The following AHDC1 variants were observed in gnomAD, a reference collection of about 807,000 sequenced individuals.
AHDC1 encodes AT-hook DNA binding motif containing 1.
In AHDC1, 7 loss-of-function variants were observed where a neutral mutation model predicts 87.9. The ratio of observed to expected loss-of-function variants is 0.08; its 90% CI spans 0.05 to 0.15. AHDC1 has a LOEUF of 0.15. AHDC1 is among the 10% of genes least tolerant of loss of function. AHDC1 has a pLI of 1.00. For missense variants in AHDC1, 1,841 were observed against 2,253.2 expected (o/e 0.82, Z 3.70); for synonymous variants, 1,051 against 1,006.8 (o/e 1.04, Z -0.83).
At chr1:27,568,611 C>A (rs1344488881) in intron 3 of AHDC1, among the ~76,000 whole-genome samples, 1 of 151,976 alleles carries the variant, frequency 6.6e-6, no homozygotes, top group Non-Finnish European at 1.5e-5. Context: ...GCGGGCCGGG[C>A]TCCCGGAGAT....
chr1:27,589,299 G>A (rs184942586), intron 3 of AHDC1, among the ~76,000 whole-genome samples: 13 of 152,300 alleles, frequency 8.5e-5, no homozygotes, highest in South Asian at 4.1e-4. Context: ...GTCTGTGTCC[G>A]GGTGTGCACG....
At chr1:27,575,469 C>G (rs1173451424) in intron 3 of AHDC1, among the ~76,000 whole-genome samples, 2 of 152,236 alleles carry the variant, frequency 1.3e-5, no homozygotes, top group South Asian at 2.1e-4. Flanking sequence ...AGGTCTCCCC[C>G]CACCACCCTC....
intron 3 of AHDC1, among the ~76,000 whole-genome samples, chr1:27,596,474 T>C (rs2089374099): frequency 6.6e-6 from 1 of 151,978 alleles, no homozygotes; most frequent in Admixed American, 6.6e-5. Context: ...TCCTTGTGCA[T>C]CTGTGTGGGT....
In AHDC1 at chr1:27,560,238, CTGTT is replaced by C. The variant is rs2020012291; in HGVS notation, c.-628-1359_-628-1356del. Among the ~76,000 whole-genome samples the C allele has an allele frequency of 6.6e-6, 1 of 150,874 alleles. No homozygotes were observed. The highest frequency in any genetic ancestry group is 2.4e-5 in the African/African-American group (1 of 40,972). ...TGTGTGTGTGTGAGTCTAGCTAAGCCTGTTTGTGTGTGAGGACACAGGGGTGCAT... is the reference window on the plus strand; with the variant it reads ...TGTGTGTGTGTGAGTCTAGCTAAGCCTGTGTGTGAGGACACAGGGGTGCAT... On this transcript the variant is annotated intron_variant, in intron 3 of 8. Coordinates refer to ENST00000673934, the MANE Select transcript of AHDC1 (RefSeq NM_001371928.1). This position sits in a 1 kb window ranked among gnomAD's most constrained non-coding sequence, Gnocchi z 4.1.
chr1:27,561,503 G>A lies in AHDC1; in HGVS notation c.-628-2620C>T, dbSNP rs1254390469. 6.6e-6 allele frequency among the ~76,000 whole-genome samples: 1 copy of A among 152,202 alleles called. No homozygotes were observed. The highest frequency in any genetic ancestry group is 1.5e-5 in the Non-Finnish European group (1 of 68,036). On this transcript the variant is annotated intron_variant, in intron 3 of 8. Coordinates refer to ENST00000673934, the MANE Select transcript of AHDC1 (RefSeq NM_001371928.1). This position sits in a 1 kb window ranked among gnomAD's most constrained non-coding sequence, Gnocchi z 4.2. Reference sequence around the variant, plus strand: ...GGAGGCAGAGGACAGTGTGGTGGGGGGAACACAGCAAGGAGGGGTGCAGGG... The same window carrying A: ...GGAGGCAGAGGACAGTGTGGTGGGGAGAACACAGCAAGGAGGGGTGCAGGG...
rs778267321 is a variant in AHDC1 at position 27,548,387 on chromosome 1, C to T, written c.3729G>A (p.Glu1243=). Reference sequence around the variant, plus strand: ...ATGTCGGGAAGCCCAGATGTGAGGCCTCGAACAGGTCCACCTTCTTCCGCC... The same window carrying T: ...ATGTCGGGAAGCCCAGATGTGAGGCTTCGAACAGGTCCACCTTCTTCCGCC... ...RGRRKKVDLF[E]ASHLGFPTSA... is the part of the protein sequence containing the mutation. The change falls in exon 8 of 9, where the codon GAG becomes GAA. Residue 1243 remains glutamate (E), a synonymous_variant. Transcript: ENST00000673934. The T allele has an allele frequency of 6.2e-7, 1 of 1,608,114 alleles. No individual in the cohort carries two copies. Among genetic ancestry groups the T allele is most frequent in the South Asian group, 1.1e-5 (1 of 90,940 alleles).
intron 8 of AHDC1, among the ~76,000 whole-genome samples, chr1:27,543,918 C>G (rs1002067335): frequency 1.3e-5 from 2 of 151,272 alleles, no homozygotes; most frequent in Non-Finnish European, 2.9e-5. Context: ...ACTCCAGCCT[C>G]GGCGACACAG....
At position 27,565,675 on chromosome 1, in the gene AHDC1, T is replaced by TA. The variant is rs2020288164; in HGVS notation, c.-628-6793dup. On this transcript the variant is annotated intron_variant, in intron 3 of 8. Transcript: ENST00000673934. This position sits in a 1 kb window ranked among gnomAD's most constrained non-coding sequence, Gnocchi z 4.6. Reference sequence around the variant, plus strand: ...AAAGAAGTCAGACATGAAGCAAGGATAGTATCCCTATACCATCTGGGGAAA... The same window carrying TA: ...AAAGAAGTCAGACATGAAGCAAGGATAAGTATCCCTATACCATCTGGGGAAA... Among the ~76,000 whole-genome samples, 1 of 152,204 alleles carries TA rather than the reference T, an allele frequency of 6.6e-6. No individual in the cohort carries two copies. Among genetic ancestry groups the TA allele is most frequent in the South Asian group, 2.1e-4 (1 of 4,834 alleles).
In AHDC1 at chr1:27,551,490, T is replaced by G. The variant is rs746430573; in HGVS notation, c.626A>C (p.Gln209Pro). The G allele has an allele frequency of 2.5e-6, 4 of 1,607,668 alleles. No individual in the cohort carries two copies. The highest frequency in any genetic ancestry group is 3.4e-6 in the Non-Finnish European group (4 of 1,177,444). The part of the protein sequence containing the change: ...EPEPEPRDSP[Q>P]PGQGHSPGAT... ...TCCGGGACTATGGCCTTGGCCAGGCTGGGGACTGTCCCTAGGCTCAGGCTC... is the reference window on the plus strand; with the variant it reads ...TCCGGGACTATGGCCTTGGCCAGGCGGGGGACTGTCCCTAGGCTCAGGCTC... Residue 209 changes from glutamine (Q) to proline (P), a missense_variant, in exon 8 of 9, where the codon CAG becomes CCG. Gln to Pro is a moderately conservative substitution (Grantham distance 76, BLOSUM62 -1). Transcript: ENST00000673934.
intron 3 of AHDC1, among the ~76,000 whole-genome samples, chr1:27,589,444 T>G (rs1184075963): frequency 6.6e-6 from 1 of 152,174 alleles, no homozygotes; most frequent in Non-Finnish European, 1.5e-5. Context: ...TTTGTGGGTG[T>G]CTATGTGTGT....
rs1326834771 is a variant in AHDC1, at chr1:27,590,035, C to A, written c.-629+13362G>T. Among the ~76,000 whole-genome samples the A allele has an allele frequency of 2.0e-5, 3 of 152,172 alleles. No individual in the cohort carries two copies. The highest frequency in any genetic ancestry group is 4.4e-5 in the Non-Finnish European group (3 of 67,994). ...GGGCCTTAGAGGCCTGTCCTGGGCC[C>A]CCTGCCCCACCCACTGCTGAGGAGA... On this transcript the variant is annotated intron_variant, in intron 3 of 8. Transcript: ENST00000673934. The surrounding 1 kb of genome is among the most constrained non-coding windows in gnomAD (Gnocchi z 5.4).
rs2019548099 is a variant in AHDC1, at chr1:27,551,349, G to A, written c.767C>T (p.Ala256Val). The change falls in exon 8 of 9, where the codon GCC (alanine) becomes GTC (valine). Residue 256 changes from alanine (A) to valine (V), a missense_variant. Transcript: ENST00000673934. ...SELASLTCPE[A>V]QLLEAQALEP... Reference sequence around the variant, plus strand: ...GAGGGCCTGGGCCTCTAGCAGCTGGGCCTCTGGGCAAGTGAGGGAGGCCAG... The same window carrying A: ...GAGGGCCTGGGCCTCTAGCAGCTGGACCTCTGGGCAAGTGAGGGAGGCCAG... 7 of 1,613,608 alleles carry A rather than the reference G, an allele frequency of 4.3e-6. No individual in the cohort carries two copies. In the East Asian group the frequency reaches 1.6e-4, roughly 36 times the overall value.
chr1:27,557,809 G>C (rs369235495), intron 5 of AHDC1, among the ~76,000 whole-genome samples: 1 of 152,056 alleles, frequency 6.6e-6, no homozygotes, highest in Non-Finnish European at 1.5e-5. Flanking sequence ...TCATACTTCC[G>C]GGTACCACAT....
chr1:27,550,643 G>C lies in AHDC1; in HGVS notation c.1473C>G (p.Thr491=). The change falls in exon 8 of 9, where the codon ACC becomes ACG. Residue 491 remains threonine (T), a synonymous_variant. Coordinates refer to ENST00000673934, the MANE Select transcript of AHDC1 (RefSeq NM_001371928.1). The part of the protein sequence containing the change: ...IPVSLGRRNK[T]TYKVSSLSSS... ...TGCTCAAGGAAGACACTTTGTATGTGGTCTTGTTCCGCCGCCCCAGCGATA... is the reference window on the plus strand; with the variant it reads ...TGCTCAAGGAAGACACTTTGTATGTCGTCTTGTTCCGCCGCCCCAGCGATA... The C allele has an allele frequency of 6.2e-7, 1 of 1,613,638 alleles. No individual in the cohort carries two copies. The highest frequency in any genetic ancestry group is 1.6e-4 in the Middle Eastern group (1 of 6,062).
At chr1:27,541,225 A>T (rs1166447820) in intron 8 of AHDC1, among the ~76,000 whole-genome samples, 1 of 152,198 alleles carries the variant, frequency 6.6e-6, no homozygotes, top group Non-Finnish European at 1.5e-5. Context: ...TGCCCTGCTC[A>T]CAACGGTTTT....
chr1:27,600,668 C>G (rs559838176), intron 3 of AHDC1, among the ~76,000 whole-genome samples: 2 of 152,276 alleles, frequency 1.3e-5, no homozygotes, highest in Admixed American at 1.3e-4. Context: ...TCCAGAACAG[C>G]TCCCCCTACC....
chr1:27,562,581 C>G lies in AHDC1; in HGVS notation c.-628-3698G>C, dbSNP rs534873028. On this transcript the variant is annotated intron_variant, in intron 3 of 8. Coordinates refer to ENST00000673934, the MANE Select transcript of AHDC1 (RefSeq NM_001371928.1). This position sits in a 1 kb window ranked among gnomAD's most constrained non-coding sequence, Gnocchi z 4.4. ...ATCTGAAGAATGCTGGGTCCCTCCC[C>G]CTGGGGAACAGTCCCACGGGCTGAC... 6.6e-6 allele frequency among the ~76,000 whole-genome samples: 1 copy of G among 152,198 alleles called. No individual in the cohort carries two copies. Among genetic ancestry groups the G allele is most frequent in the African/African-American group, 2.4e-5 (1 of 41,426 alleles).
chr1:27,547,811 G>A lies in AHDC1; in HGVS notation c.4305C>T (p.Gly1435=). The A allele has an allele frequency of 6.4e-7, 1 of 1,552,762 alleles. No homozygotes were observed. Among genetic ancestry groups the A allele is most frequent in the Non-Finnish European group, 8.7e-7 (1 of 1,147,678 alleles). The change falls in exon 8 of 9, where the codon GGC becomes GGT. Residue 1435 remains glycine, a synonymous_variant. Transcript: ENST00000673934. This position sits in a 1 kb window ranked among gnomAD's most constrained non-coding sequence, Gnocchi z 4.9. The part of the protein sequence containing the change: ...LKHGLQGASL[G]HAAAAQAHLS... ...GGTGGGCCTGGGCTGCAGCTGCGTG[G>A]CCCAGGCTGGCCCCCTGGAGTCCAT...
chr1:27,559,532 TC>T (rs780681687), intron 3 of AHDC1, among the ~76,000 whole-genome samples: 26 of 152,226 alleles, frequency 1.7e-4, no homozygotes, highest in Admixed American at 7.2e-4. Flanking sequence ...AGTTAACTTT[TC>T]TGGCTCTCAG....
Sources: allele counts gnomAD v4.1 joint callset (sites outside exome capture counted in the v4.1 genomes callset), GRCh38; gene constraint gnomAD v4.1.1; non-coding constraint Gnocchi (gnomAD v3.1); transcripts MANE v1.5; gene names NCBI Gene and HGNC (gene_info 2026-07-23, HGNC 2026-07-21).